The following SLC35F6 variants were observed in gnomAD, a reference collection of about 807,000 sequenced individuals.
SLC35F6 encodes the protein ANT2-binding protein.
A neutral mutation model predicts 29.4 loss-of-function variants in SLC35F6; 26 were observed. The observed-to-expected ratio is 0.89, with a 90% CI of 0.65 to 1.23. SLC35F6 has a LOEUF of 1.23. SLC35F6 is among the 50% of genes most tolerant of loss of function. The probability of loss-of-function intolerance (pLI) is 0.00; values close to 1 mark genes in which losing one functional copy is unlikely to be tolerated. For synonymous variants in SLC35F6, 174 were observed against 206.6 expected (o/e 0.84, Z 1.35); for missense variants, 428 against 487.8 (o/e 0.88, Z 1.15).
chr2:26,775,782 TG>T lies in SLC35F6; in HGVS notation c.535+109del, dbSNP rs1664289420. ...CTGCCATGTGCCATATACCAAGCCC[TG>T]GGTGAGGTGGGTAGCTCTGGAGGTG... On this transcript the variant is annotated intron_variant, in intron 4 of 5. Transcript: ENST00000344420. The surrounding 1 kb of genome is among the most constrained non-coding windows in gnomAD (Gnocchi z 4.6). 8.2e-7 allele frequency: 1 copy of T among 1,225,722 alleles called. No homozygotes were observed. Among genetic ancestry groups the T allele is most frequent in the Non-Finnish European group, 1.1e-6 (1 of 903,832 alleles). The allele number at this position is 1,225,722 out of a possible 1,614,324, so 75.9% of individuals were successfully genotyped here.
chr2:26,770,098 T>C (rs930914169), intron 1 of SLC35F6, among the ~76,000 whole-genome samples: 3 of 152,192 alleles, frequency 2.0e-5, no homozygotes, highest in African/African-American at 7.2e-5. Flanking sequence ...AAGTGTCCTA[T>C]GAATTGTGCA....
chr2:26,769,920 C>A (rs1255880112), intron 1 of SLC35F6, among the ~76,000 whole-genome samples: 1 of 152,100 alleles, frequency 6.6e-6, no homozygotes, highest in Non-Finnish European at 1.5e-5. Context: ...GTATGATTAC[C>A]CTGTAACTTG....
chr2:26,771,580 T>G (rs944945929), intron 1 of SLC35F6, among the ~76,000 whole-genome samples: 11 of 152,236 alleles, frequency 7.2e-5, no homozygotes, highest in Non-Finnish European at 1.5e-4. Flanking sequence ...AAAGCAAGAC[T>G]GGGTTCGAGA....
At position 26,774,338 on chromosome 2, in the gene SLC35F6, C is replaced by CCCTCCTA. The variant is rs746719535; in HGVS notation, c.150+22_150+28dup. On this transcript the variant is annotated intron_variant, in intron 2 of 5. Coordinates refer to ENST00000344420, the MANE Select transcript of SLC35F6 (RefSeq NM_017877.4). The stretch of plus-strand genomic sequence containing the variant: ...CCTTCCTCCAGGTATCTGGCCCTGT[C>CCCTCCTA]CCTCCTACCTCCTGTCTCCCGGGCC... 6.2e-7 allele frequency: 1 copy of CCCTCCTA among 1,613,618 alleles called. No homozygotes were observed. The highest frequency in any genetic ancestry group is 8.5e-7 in the Non-Finnish European group (1 of 1,179,720).
chr2:26,766,458 C>T (rs144113654), intron 1 of SLC35F6, among the ~76,000 whole-genome samples: 4,371 of 152,138 alleles, frequency 0.029, 217 homozygotes, highest in African/African-American at 0.1. Context: ...ATTAGCTGGG[C>T]GTGGTAGTGC....
intron 1 of SLC35F6, among the ~76,000 whole-genome samples, chr2:26,770,843 T>C (rs1664185002): frequency 6.6e-6 from 1 of 152,200 alleles, no homozygotes; most frequent in Non-Finnish European, 1.5e-5. Flanking sequence ...GCTGGATTTT[T>C]GTTCTAGCCT....
chr2:26,778,239 A>G lies in SLC35F6; in HGVS notation c.844A>G (p.Ser282Gly), dbSNP rs1032864092. 6 of 1,614,186 alleles carry G rather than the reference A, an allele frequency of 3.7e-6. No individual in the cohort carries two copies. Among genetic ancestry groups the G allele is most frequent in the Non-Finnish European group, 5.1e-6 (6 of 1,180,038 alleles). Reference protein sequence around the residue: ...SIAFFNFAGISVTKELSATTR... With the variant: ...SIAFFNFAGIGVTKELSATTR... ...TGCCTTCTTCAACTTCGCAGGCATC[A>G]GCGTCACCAAGGAACTGAGCGCCAC... is the stretch of plus-strand genomic sequence containing the variant. The change falls in exon 6 of 6, where the codon AGC (serine) becomes GGC (glycine). Residue 282 changes from serine (S) to glycine (G), a missense_variant. Ser to Gly is a moderately conservative substitution (Grantham distance 56). Coordinates refer to ENST00000344420, the MANE Select transcript of SLC35F6 (RefSeq NM_017877.4).
At chr2:26,770,031 G>A (rs1664165486) in intron 1 of SLC35F6, among the ~76,000 whole-genome samples, 1 of 152,164 alleles carries the variant, frequency 6.6e-6, no homozygotes, top group Admixed American at 6.5e-5. Flanking sequence ...TTAAGCCTCA[G>A]AGTCCCCATC....
intron 5 of SLC35F6, among the ~76,000 whole-genome samples, chr2:26,777,517 C>T (rs1664323749): frequency 6.6e-6 from 1 of 152,166 alleles, no homozygotes. Context: ...AGTCTATTTC[C>T]ACTCATTTCT....
Position 26,775,319 on chromosome 2 carries a change from T to C in SLC35F6, c.322+104T>C. On this transcript the variant is annotated intron_variant, in intron 3 of 5. Coordinates refer to ENST00000344420, the MANE Select transcript of SLC35F6 (RefSeq NM_017877.4). This position sits in a 1 kb window ranked among gnomAD's most constrained non-coding sequence, Gnocchi z 4.6. The stretch of plus-strand genomic sequence containing the variant: ...ACCCACCTCCACTTCATCCCACCAT[T>C]CCCCCAGACTTCACACGCACAGGCA... 2 of 1,527,374 alleles carry C rather than the reference T, an allele frequency of 1.3e-6. No individual in the cohort carries two copies. The highest frequency in any genetic ancestry group is 1.8e-6 in the Non-Finnish European group (2 of 1,132,716). The allele number at this position is 1,527,374 out of a possible 1,614,324, so 94.6% of individuals were successfully genotyped here. A position where few individuals can be genotyped will look rare whatever the true frequency, so the allele number is the denominator to read the frequency against.
intron 1 of SLC35F6, among the ~76,000 whole-genome samples, chr2:26,768,125 C>T (rs1664129225): frequency 6.6e-6 from 1 of 152,214 alleles, no homozygotes. Context: ...GCCCCACCAC[C>T]CTTGGGTTCC....
At position 26,778,035 on chromosome 2, in the gene SLC35F6, TC is replaced by T. The variant is rs894356599; in HGVS notation, c.647-3del. ...TGGAGAGTGTAACTGTTTCCTCTACTCCCCAGGCCTCTTTGGCTTTGTGATC... is the reference window on the plus strand; with the variant it reads ...TGGAGAGTGTAACTGTTTCCTCTACTCCCAGGCCTCTTTGGCTTTGTGATC... On this transcript the variant is annotated splice_region_variant and splice_polypyrimidine_tract_variant and intron_variant, in intron 5 of 5. Transcript: ENST00000344420. 1.9e-6 allele frequency: 3 copies of T among 1,604,740 alleles called. No homozygotes were observed. Among genetic ancestry groups the T allele is most frequent in the African/African-American group, 1.3e-5 (1 of 74,848 alleles).
intron 1 of SLC35F6, among the ~76,000 whole-genome samples, chr2:26,765,614 G>A (rs1376545126): frequency 2.6e-5 from 4 of 152,224 alleles, no homozygotes; most frequent in South Asian, 4.1e-4. Context: ...ATCTGAGGTG[G>A]AGGAGACAGA....
chr2:26,778,905 G>A lies in SLC35F6; in HGVS notation c.*394G>A, dbSNP rs1315892913. The A allele has an allele frequency of 5.3e-6, 1 of 188,950 alleles. No individual in the cohort carries two copies. The highest frequency in any genetic ancestry group is 1.1e-5 in the Non-Finnish European group (1 of 92,410). 11.7% of individuals were successfully genotyped at this position (188,950 alleles called of 1,614,324 possible). A position where few individuals can be genotyped will look rare whatever the true frequency, so the allele number is the denominator to read the frequency against. ...TTGATTCTTCAAAGAAGAAAAGTCAGTGAGCAAATTTAAACCAGAACTAAG... is the reference window on the plus strand; with the variant it reads ...TTGATTCTTCAAAGAAGAAAAGTCAATGAGCAAATTTAAACCAGAACTAAG... On this transcript the variant is annotated 3_prime_UTR_variant, in exon 6 of 6. Coordinates refer to ENST00000344420, the MANE Select transcript of SLC35F6 (RefSeq NM_017877.4).
At position 26,780,263 on chromosome 2, in the gene SLC35F6, A is replaced by G. The variant is rs1043480453; in HGVS notation, c.*1752A>G. 1.3e-5 allele frequency: 2 copies of G among 152,058 alleles called. No individual in the cohort carries two copies. Among genetic ancestry groups the G allele is most frequent in the East Asian group, 3.9e-4 (2 of 5,162 alleles). The allele number at this position is 152,058 out of a possible 1,614,324, so 9.4% of individuals were successfully genotyped here. ...TTTAAAGACAAGGAAACTGAGGCCC[A>G]AAGTTCTAAGTTGTTTGGCAAATGG... is the stretch of plus-strand genomic sequence containing the variant. On this transcript the variant is annotated 3_prime_UTR_variant, in exon 6 of 6. Transcript: ENST00000344420.
intron 1 of SLC35F6, among the ~76,000 whole-genome samples, chr2:26,766,539 A>G (rs1664099604): frequency 6.6e-6 from 1 of 152,160 alleles, no homozygotes; most frequent in Non-Finnish European, 1.5e-5. Context: ...CGGAGGTTGC[A>G]ATGAGCCAAG....
chr2:26,770,085 A>G (rs828262), intron 1 of SLC35F6, among the ~76,000 whole-genome samples: 4,431 of 152,292 alleles, frequency 0.029, 207 homozygotes, highest in African/African-American at 0.098. Context: ...GACAGTCCCC[A>G]TGAAGTGTCC....
chr2:26,775,125 T>TCCAGCGTAGACC lies in SLC35F6; in HGVS notation c.235_246dup (p.Ser79_Pro82dup). ...ATGCAGAGCTGCAGGGCAATCAGAC[T>TCCAGCGTAGACC]CCAGCGTAGACCCCCAGCAGCCCTT... On this transcript the variant is annotated inframe_insertion, in exon 3 of 6. Transcript: ENST00000344420. This position sits in a 1 kb window ranked among gnomAD's most constrained non-coding sequence, Gnocchi z 4.6. 6.2e-7 allele frequency: 1 copy of TCCAGCGTAGACC among 1,614,092 alleles called. No homozygotes were observed.
intron 1 of SLC35F6, among the ~76,000 whole-genome samples, chr2:26,772,644 A>G (rs923710061): frequency 6.6e-6 from 1 of 152,208 alleles, no homozygotes; most frequent in African/African-American, 2.4e-5. Context: ...TACTTCCAGA[A>G]GTCAGTGGCC....
Sources: allele counts gnomAD v4.1 joint callset (sites outside exome capture counted in the v4.1 genomes callset), GRCh38; gene constraint gnomAD v4.1.1; non-coding constraint Gnocchi (gnomAD v3.1); transcripts MANE v1.5; gene names NCBI Gene and HGNC (gene_info 2026-07-23, HGNC 2026-07-21).